RBM38: variants seen among roughly 807,000 people sequenced by gnomAD.
RBM38 encodes RNA-binding protein 38.
Under a neutral mutation model 23.5 loss-of-function variants are expected in RBM38, and 11 were observed. The observed-to-expected ratio is 0.47, with a 90% confidence interval of 0.29 to 0.77. The LOEUF is 0.77. Among genes scored for constraint, RBM38 ranks in the 30% least tolerant of loss-of-function variants. RBM38 has a pLI of 0.08. For synonymous variants in RBM38, 165 were observed against 166.1 expected, an observed-to-expected ratio of 0.99 and a Z score of 0.05; for missense variants, 330 against 351.9, an observed-to-expected ratio of 0.94 and a Z score of 0.50.
Position 57,402,463 on chromosome 20 carries a change from G to A in RBM38, c.417-5080G>A, listed in dbSNP as rs1296154327. ...GGCAGGGCAGTGCCTGGGTGGCCTG[G>A]TGGGCTCTTCACTGAGGTGGAGAGT... On this transcript the variant is annotated intron_variant, in intron 3 of 3. Coordinates refer to ENST00000356208, the MANE Select transcript of RBM38 (RefSeq NM_017495.6). 3.3e-5 allele frequency among the ~76,000 whole-genome samples: 5 copies of A among 152,238 alleles called. No homozygotes were observed. In the East Asian group the frequency reaches 9.6e-4, roughly 29 times the overall value.
chr20:57,403,569 C>T lies in RBM38; in HGVS notation c.417-3974C>T, dbSNP rs115519926. ...TGCGATGGGGCAAGTCGCTTGGGGCCTCTCTGAACCTCGGATTTCCTCTCT... is the reference window on the plus strand; with the variant it reads ...TGCGATGGGGCAAGTCGCTTGGGGCTTCTCTGAACCTCGGATTTCCTCTCT... On this transcript the variant is annotated intron_variant, in intron 3 of 3. Transcript: ENST00000356208. 9.5e-3 allele frequency among the ~76,000 whole-genome samples: 1,443 copies of T among 152,326 alleles called. 17 individuals carry two copies. The highest frequency in any genetic ancestry group is 0.033 in the African/African-American group (1,370 of 41,562).
Position 57,391,740 on chromosome 20 carries a change from C to A in RBM38, c.159C>A (p.Tyr53Ter). The change falls in exon 1 of 4, where the codon TAC (tyrosine) becomes TAA (stop). Residue 53 changes from tyrosine to a stop codon, truncating the protein, a stop_gained. Coordinates refer to ENST00000356208, the MANE Select transcript of RBM38 (RefSeq NM_017495.6). LOFTEE classifies it high-confidence loss of function. ...CTACCGACGCCTCGCTCAGGAAGTA[C>A]TTCGAGGGCTTCGGCGACATCGAGG... ...YHTTDASLRK[Y>*]FEGFGDIEEA... 6.4e-7 allele frequency: 1 copy of A among 1,566,846 alleles called. No individual in the cohort carries two copies. Among genetic ancestry groups the A allele is most frequent in the South Asian group, 1.2e-5 (1 of 85,838 alleles).
At chr20:57,393,511 C>T (rs2067242593) in intron 3 of RBM38, among the ~76,000 whole-genome samples, 178 bp downstream of exon 3, 2 of 152,220 alleles carry the variant, frequency 1.3e-5, no homozygotes, top group Non-Finnish European at 2.9e-5. Context: ...AGAGGCCATA[C>T]CACCTAGGGG....
chr20:57,392,447 C>G, intron 1 of RBM38: 1 of 1,531,284 alleles, frequency 6.5e-7, no homozygotes, highest in Non-Finnish European at 8.7e-7. Context: ...TGAACTTTGA[C>G]GGGAGGAGCT....
chr20:57,403,037 A>G (rs1463403868), intron 3 of RBM38, among the ~76,000 whole-genome samples: 1 of 152,194 alleles, frequency 6.6e-6, no homozygotes, highest in East Asian at 1.9e-4. Flanking sequence ...CATTGTAGGA[A>G]GCGGTCAGCA....
intron 3 of RBM38, among the ~76,000 whole-genome samples, chr20:57,403,475 C>G (rs1350150333): frequency 1.3e-5 from 2 of 152,168 alleles, no homozygotes; most frequent in African/African-American, 4.8e-5. Context: ...TGAGCTGAAC[C>G]TGGGGCCCCA....
chr20:57,400,918 CG>C (rs2067321592), intron 3 of RBM38, among the ~76,000 whole-genome samples: 1 of 152,134 alleles, frequency 6.6e-6, no homozygotes, highest in Non-Finnish European at 1.5e-5. Flanking sequence ...CTGGGGAGCG[CG>C]TGGGACTCCA....
chr20:57,392,842 G>A, intron 2 of RBM38, 65 bp downstream of exon 2: 1 of 1,572,006 alleles, frequency 6.4e-7, no homozygotes, highest in Non-Finnish European at 8.6e-7. Flanking sequence ...GTATCTGTCG[G>A]GTGGAAAGAG....
intron 1 of RBM38, chr20:57,392,191 C>T: frequency 9.2e-6 from 3 of 324,768 alleles, no homozygotes; most frequent in African/African-American, 2.2e-5. Flanking sequence ...AGCTCTTCGG[C>T]CTCCCCCATA....
At chr20:57,392,574 C>T (rs1311592825) in intron 1 of RBM38, 80 bp from the exon 2 acceptor site, 14 of 1,522,594 alleles carry the variant, frequency 9.2e-6, no homozygotes, top group African/African-American at 6.9e-5. Context: ...TGGCAGCATC[C>T]GGTGCCAGGG....
chr20:57,401,836 G>A (rs1568811133), intron 3 of RBM38, among the ~76,000 whole-genome samples: 2 of 152,184 alleles, frequency 1.3e-5, no homozygotes, highest in Non-Finnish European at 2.9e-5. Flanking sequence ...AGAAGAGGTA[G>A]GTTGAGGCCT....
In RBM38 at chr20:57,392,141, C is replaced by CG. The variant is rs1227108143; in HGVS notation, c.237+329dup. 2.5e-5 allele frequency: 6 copies of CG among 240,744 alleles called. No individual in the cohort carries two copies. In the East Asian group the frequency reaches 4.6e-4, roughly 18 times the overall value. 14.9% of individuals were successfully genotyped at this position (240,744 alleles called of 1,614,324 possible). Reference sequence around the variant, plus strand: ...GGGCACTCGGGATTTCCTGGAGCAGCGGGGGGTGAGGAGCAATGGCTCCAC... The same window carrying CG: ...GGGCACTCGGGATTTCCTGGAGCAGCGGGGGGGTGAGGAGCAATGGCTCCAC... On this transcript the variant is annotated intron_variant, in intron 1 of 3. Coordinates refer to ENST00000356208, the MANE Select transcript of RBM38 (RefSeq NM_017495.6).
At chr20:57,405,739 A>G (rs1408531116) in intron 3 of RBM38, among the ~76,000 whole-genome samples, 1 of 151,790 alleles carries the variant, frequency 6.6e-6, no homozygotes, top group Admixed American at 6.6e-5. Flanking sequence ...TCTGACCCTG[A>G]GGGTCCCTGG....
chr20:57,391,894 G>A (rs914979381), intron 1 of RBM38, 76 bp downstream of exon 1: 13 of 1,116,234 alleles, frequency 1.2e-5, no homozygotes, highest in African/African-American at 1.0e-4. Flanking sequence ...CCACTCCGGG[G>A]CACACGCCCA....
Position 57,408,101 on chromosome 20 carries a change from GT to G in RBM38, c.*257del. The G allele has an allele frequency of 3.6e-6, 2 of 557,730 alleles. No homozygotes were observed. Among genetic ancestry groups the G allele is most frequent in the Non-Finnish European group, 6.4e-6 (2 of 310,976 alleles). The allele number at this position is 557,730 out of a possible 1,614,324, so 34.5% of individuals were successfully genotyped here. ...GAACTATTTAAAGACGCAATCCCAGGTTCCTTGCACACCATGGCAGCCTCTC... is the reference window on the plus strand; with the variant it reads ...GAACTATTTAAAGACGCAATCCCAGGTCCTTGCACACCATGGCAGCCTCTC... On this transcript the variant is annotated 3_prime_UTR_variant, in exon 4 of 4. Transcript: ENST00000356208.
intron 3 of RBM38, among the ~76,000 whole-genome samples, chr20:57,404,116 G>A (rs542497992): frequency 8.5e-5 from 13 of 152,326 alleles, no homozygotes; most frequent in Non-Finnish European, 1.3e-4. Context: ...CCAAGGCAGC[G>A]CTCTGGCCCC....
chr20:57,393,306 A>C lies in RBM38; in HGVS notation c.389A>C (p.His130Pro). The C allele has an allele frequency of 6.2e-7, 1 of 1,613,344 alleles. No individual in the cohort carries two copies. ...TGFAIGVQQL[H>P]PTLIQRTYGL... ...TTTGCCATTGGGGTGCAGCAGCTGC[A>C]CCCCACCTTGATCCAGCGGACTTAC... Residue 130 changes from histidine to proline, a missense_variant, in exon 3 of 4, where the codon CAC (histidine) becomes CCC (proline). His to Pro is a moderately conservative substitution (Grantham distance 77). Transcript: ENST00000356208.
chr20:57,392,597 C>T, intron 1 of RBM38, 57 bp from the exon 2 acceptor site: 1 of 1,561,206 alleles, frequency 6.4e-7, no homozygotes, highest in African/African-American at 1.4e-5. Context: ...GAGCCGTCTG[C>T]CCCTTTCGCC....
chr20:57,399,965 C>A (rs114324431), intron 3 of RBM38: 2 of 456,302 alleles, frequency 4.4e-6, no homozygotes, highest in Admixed American at 4.7e-5. Context: ...CCTCCTGGGC[C>A]GTGGTCAGTT....
Sources: gnomAD v4.1 joint callset for allele counts (sites outside exome capture counted in the v4.1 genomes callset) on GRCh38, gnomAD v4.1.1 for gene constraint, MANE v1.5 for transcripts, NCBI Gene and HGNC (gene_info 2026-07-23, HGNC 2026-07-21) for gene names.